The following DCC variants were observed in gnomAD, a reference collection of about 807,000 sequenced individuals.
DCC encodes the protein DCC netrin 1 receptor, also known as netrin receptor DCC.
DCC carries 58 observed loss-of-function variants against 172.5 expected under a neutral mutation model. The observed-to-expected ratio is 0.34, with a 90% CI of 0.27 to 0.42. DCC has a LOEUF of 0.42. Ranked by LOEUF, DCC falls within the 10% of genes least tolerant of loss-of-function variation. DCC has a pLI of 1.00. For synonymous variants in DCC, 709 were observed against 644.5 expected (o/e 1.10, Z -1.52); for missense variants, 1,740 against 1,791.0 (o/e 0.97, Z 0.51).
chr18:53,415,669 A>C (rs992409909), intron 20 of DCC, among the ~76,000 whole-genome samples: 9 of 152,150 alleles, frequency 5.9e-5, no homozygotes, highest in Non-Finnish European at 1.3e-4. Context: ...ATTATATTGT[A>C]CCATATTTAT....
chr18:52,808,053 C>A (rs985224495), intron 2 of DCC, among the ~76,000 whole-genome samples: 1 of 152,218 alleles, frequency 6.6e-6, no homozygotes, highest in African/African-American at 2.4e-5. Flanking sequence ...AAAACCCACA[C>A]ATCAAATGTG....
chr18:52,640,440 C>T (rs12953977), intron 1 of DCC, among the ~76,000 whole-genome samples: 144,385 of 152,214 alleles, frequency 0.95, 68,986 homozygotes, highest in East Asian at 1. Context: ...GCTGATGATA[C>T]GATTGTTTAA....
chr18:52,763,007 T>C (rs1449651494), intron 2 of DCC, among the ~76,000 whole-genome samples: 1 of 152,210 alleles, frequency 6.6e-6, no homozygotes, highest in African/African-American at 2.4e-5. Flanking sequence ...CACCTTTCCA[T>C]TTAGATGGCT....
intron 10 of DCC, among the ~76,000 whole-genome samples, chr18:53,205,792 T>C (rs1035309767): frequency 6.6e-6 from 1 of 152,118 alleles, no homozygotes; most frequent in Non-Finnish European, 1.5e-5. Context: ...CCTTCCATCA[T>C]CAGGATGTGT....
intron 5 of DCC, among the ~76,000 whole-genome samples, chr18:52,969,808 C>A (rs1449557544): frequency 6.6e-6 from 1 of 152,080 alleles, no homozygotes; most frequent in Non-Finnish European, 1.5e-5. Flanking sequence ...GCCTTCCTAG[C>A]CTTATCTCTG....
At chr18:53,001,474 A>G (rs994155378) in intron 5 of DCC, among the ~76,000 whole-genome samples, 5 of 152,136 alleles carry the variant, frequency 3.3e-5, no homozygotes, top group Non-Finnish European at 7.4e-5. Flanking sequence ...TCTCTTCTGT[A>G]TCCCAGATTT....
intron 2 of DCC, among the ~76,000 whole-genome samples, chr18:52,886,987 C>T (rs1172057517): frequency 6.6e-6 from 1 of 152,214 alleles, no homozygotes; most frequent in Non-Finnish European, 1.5e-5. Context: ...CCTTCTGCCA[C>T]TGACTGCTTC....
chr18:52,658,080 C>T (rs2035288148), intron 1 of DCC, among the ~76,000 whole-genome samples: 1 of 152,182 alleles, frequency 6.6e-6, no homozygotes, highest in Non-Finnish European at 1.5e-5. Context: ...TGCAAACTCG[C>T]TCACCATTGA....
chr18:53,106,376 G>T (rs2043247877), intron 7 of DCC, among the ~76,000 whole-genome samples: 1 of 151,854 alleles, frequency 6.6e-6, no homozygotes, highest in African/African-American at 2.4e-5. Flanking sequence ...GTACTGGGAA[G>T]GTATATATGG....
intron 1 of DCC, among the ~76,000 whole-genome samples, chr18:52,627,073 C>A (rs2034588026): frequency 6.6e-6 from 1 of 152,096 alleles, no homozygotes; most frequent in Admixed American, 6.6e-5. Flanking sequence ...CTTGTTGGGA[C>A]CTCTTTTCAT....
chr18:53,469,805 C>T (rs1294675248), intron 25 of DCC, among the ~76,000 whole-genome samples: 1 of 152,134 alleles, frequency 6.6e-6, no homozygotes, highest in African/African-American at 2.4e-5. Context: ...ACTTTCTCCT[C>T]TATCTAAGCT....
intron 1 of DCC, among the ~76,000 whole-genome samples, chr18:52,387,338 GA>G (rs1985840209): frequency 6.6e-6 from 1 of 152,102 alleles, no homozygotes; most frequent in African/African-American, 2.4e-5. Context: ...GAAGGGAGAA[GA>G]AAAAAATTGG....
intron 2 of DCC, among the ~76,000 whole-genome samples, chr18:52,782,631 T>C (rs916595904): frequency 6.6e-6 from 1 of 152,082 alleles, no homozygotes; most frequent in African/African-American, 2.4e-5. Context: ...CCTTTCTCCA[T>C]GTGCATCTTT....
intron 1 of DCC, among the ~76,000 whole-genome samples, chr18:52,421,201 A>G (rs761851291): frequency 5.3e-5 from 8 of 152,156 alleles, no homozygotes; most frequent in Non-Finnish European, 1.2e-4. Flanking sequence ...TGCTAATGCA[A>G]ATAGCCCATA....
intron 2 of DCC, among the ~76,000 whole-genome samples, chr18:52,834,952 TTTTCA>T (rs1304932493): frequency 7.3e-5 from 11 of 150,246 alleles, no homozygotes; most frequent in Non-Finnish European, 1.0e-4. Context: ...ATATTTGATC[TTTTCA>T]TGTTACTGCT....
intron 21 of DCC, among the ~76,000 whole-genome samples, chr18:53,434,275 C>G (rs978657065): frequency 1.4e-4 from 22 of 152,118 alleles, no homozygotes; most frequent in Non-Finnish European, 8.8e-5. Context: ...TACCTATACT[C>G]TGGTCTTTGT....
intron 1 of DCC, among the ~76,000 whole-genome samples, chr18:52,644,795 A>AAAGAAGGAAG (rs1568271775): frequency 2.0e-5 from 1 of 50,890 alleles, no homozygotes; most frequent in Non-Finnish European, 3.5e-5. Flanking sequence ...AAAGAAGGAA[A>AAAGAAGGAAG]GAAGGAAGGA....
At chr18:52,746,315 A>G (rs1250020996) in intron 1 of DCC, among the ~76,000 whole-genome samples, 1 of 152,214 alleles carries the variant, frequency 6.6e-6, no homozygotes, top group Non-Finnish European at 1.5e-5. Flanking sequence ...TTTAAGTGAT[A>G]CAATTATGCA....
At chr18:53,029,076 A>G (rs2041994229) in intron 5 of DCC, among the ~76,000 whole-genome samples, 1 of 148,370 alleles carries the variant, frequency 6.7e-6, no homozygotes, top group South Asian at 2.1e-4. Context: ...TGTCTTTATA[A>G]TTAATTCACA....
Sources: gnomAD v4.1 joint callset for allele counts (sites outside exome capture counted in the v4.1 genomes callset) on GRCh38, gnomAD v4.1.1 for gene constraint, MANE v1.5 for transcripts, NCBI Gene and HGNC (gene_info 2026-07-23, HGNC 2026-07-21) for gene names.